The following OTX1 variants were observed in gnomAD, a reference collection of about 807,000 sequenced individuals.
OTX1 encodes homeobox protein OTX1.
OTX1 carries 7 observed loss-of-function variants against 26.7 expected under a neutral mutation model. That is an observed-to-expected ratio of 0.26 (90% CI 0.15 to 0.49). The LOEUF is 0.49. Ranked by LOEUF, OTX1 falls within the 20% of genes least tolerant of loss-of-function variation. The pLI is 0.98. For missense variants in OTX1, 414 were observed against 483.8 expected (o/e 0.86, Z 1.35); for synonymous variants, 216 against 212.8 (o/e 1.01, Z -0.13).
rs764419926 is a variant in OTX1 at position 63,056,349 on chromosome 2, T to G, written c.*33T>G. On this transcript the variant is annotated 3_prime_UTR_variant, in exon 5 of 5. Coordinates refer to ENST00000282549, the MANE Select transcript of OTX1 (RefSeq NM_014562.4). The stretch of plus-strand genomic sequence containing the variant: ...AATGAAAGAGGAGAAGAAACGCAAC[T>G]ACCTGCGCCCTCCGTGGTCCCGATC... The G allele has an allele frequency of 6.4e-7, 1 of 1,556,594 alleles. No individual in the cohort carries two copies. The highest frequency in any genetic ancestry group is 1.4e-5 in the African/African-American group (1 of 73,432).
At chr2:63,053,968 G>GC (rs888158191) in intron 3 of OTX1, 79 bp from the exon 4 acceptor site, 7 of 1,512,054 alleles carry the variant, frequency 4.6e-6, no homozygotes, top group Non-Finnish European at 6.2e-6. Flanking sequence ...ATCTGGGCCT[G>GC]CCAGGGGCCT....
chr2:63,054,227 G>A (rs748243118), intron 4 of OTX1, 29 bp downstream of exon 4: 1 of 1,549,550 alleles, frequency 6.5e-7, no homozygotes, highest in Admixed American at 1.9e-5. Flanking sequence ...CCAGGGTCTG[G>A]GTAGGGGAGC....
chr2:63,055,351 G>A lies in OTX1; in HGVS notation c.250-150G>A, dbSNP rs945106616. 74 of 789,122 alleles carry A rather than the reference G, an allele frequency of 9.4e-5. No individual in the cohort carries two copies. Among genetic ancestry groups the A allele is most frequent in the Non-Finnish European group, 1.3e-4 (64 of 506,264 alleles). 48.9% of individuals were successfully genotyped at this position (789,122 alleles called of 1,614,324 possible). On this transcript the variant is annotated intron_variant, in intron 4 of 4. Coordinates refer to ENST00000282549, the MANE Select transcript of OTX1 (RefSeq NM_014562.4). The surrounding 1 kb of genome is among the most constrained non-coding windows in gnomAD (Gnocchi z 5.2). ...AGCTGGGAACCGAGGTAGGGGGCAG[G>A]GTCTGGCCAGGCCAGAGACAGGAAG...
rs781292161 is a variant in OTX1, at chr2:63,055,824, G to A, written c.573G>A (p.Val191=). 19 of 1,612,084 alleles carry A rather than the reference G, an allele frequency of 1.2e-5. No homozygotes were observed. The highest frequency in any genetic ancestry group is 1.4e-5 in the Non-Finnish European group (16 of 1,179,760). Residue 191 remains valine, a synonymous_variant, in exon 5 of 5, where the codon GTG becomes GTA. Coordinates refer to ENST00000282549, the MANE Select transcript of OTX1 (RefSeq NM_014562.4). This position sits in a 1 kb window ranked among gnomAD's most constrained non-coding sequence, Gnocchi z 5.2. ...SISPGSAPAS[V]SVPEPLAAPS... ...CGCCAGGCTCAGCGCCCGCGTCCGTGTCGGTGCCGGAGCCATTGGCCGCGC... is the reference window on the plus strand; with the variant it reads ...CGCCAGGCTCAGCGCCCGCGTCCGTATCGGTGCCGGAGCCATTGGCCGCGC...
chr2:63,056,075 A>AC lies in OTX1; in HGVS notation c.826dup (p.His276ProfsTer69). On this transcript the variant is annotated frameshift_variant, in exon 5 of 5. Transcript: ENST00000282549. LOFTEE classifies it high-confidence loss of function. ...ATGGCACCCTCCTCCATGGCGGGCC[A>AC]CCATCATCACCACCCACATGCGCAC... The AC allele has an allele frequency of 6.2e-7, 1 of 1,613,148 alleles. No individual in the cohort carries two copies. The highest frequency in any genetic ancestry group is 8.5e-7 in the Non-Finnish European group (1 of 1,179,394).
At position 63,055,424 on chromosome 2, in the gene OTX1, T is replaced by C. The variant is rs2153388179; in HGVS notation, c.250-77T>C. 2.7e-6 allele frequency: 4 copies of C among 1,456,122 alleles called. No homozygotes were observed. Among genetic ancestry groups the C allele is most frequent in the Non-Finnish European group, 3.7e-6 (4 of 1,068,928 alleles). The allele number at this position is 1,456,122 out of a possible 1,614,324, so 90.2% of individuals were successfully genotyped here. A position where few individuals can be genotyped will look rare whatever the true frequency, so the allele number is the denominator to read the frequency against. ...GGATTGCGATATTCTGGACCGGGAG[T>C]TGGGTCCGCGGGGCGGTGGAGCAAC... On this transcript the variant is annotated intron_variant, in intron 4 of 4. Coordinates refer to ENST00000282549, the MANE Select transcript of OTX1 (RefSeq NM_014562.4). This position sits in a 1 kb window ranked among gnomAD's most constrained non-coding sequence, Gnocchi z 5.2.
chr2:63,057,062 TGTTG>T lies in OTX1; in HGVS notation c.*755_*758del, dbSNP rs1303888250. 1 of 152,222 alleles carries T rather than the reference TGTTG, an allele frequency of 6.6e-6. No homozygotes were observed. Among genetic ancestry groups the T allele is most frequent in the African/African-American group, 2.4e-5 (1 of 41,426 alleles). The allele number at this position is 152,222 out of a possible 1,614,324, so 9.4% of individuals were successfully genotyped here. On this transcript the variant is annotated 3_prime_UTR_variant, in exon 5 of 5. Transcript: ENST00000282549. The stretch of plus-strand genomic sequence containing the variant: ...GGGACCACTTAAACTTTTTAGTTGC[TGTTG>T]GTTGGTTGAACTGAACATATCTTGT...
Position 63,056,582 on chromosome 2 carries a change from T to A in OTX1, c.*266T>A. 1.9e-6 allele frequency: 1 copy of A among 526,146 alleles called. No homozygotes were observed. Among genetic ancestry groups the A allele is most frequent in the Non-Finnish European group, 3.4e-6 (1 of 293,344 alleles). The allele number at this position is 526,146 out of a possible 1,614,324, so 32.6% of individuals were successfully genotyped here. A position where few individuals can be genotyped will look rare whatever the true frequency, so the allele number is the denominator to read the frequency against. On this transcript the variant is annotated 3_prime_UTR_variant, in exon 5 of 5. Coordinates refer to ENST00000282549, the MANE Select transcript of OTX1 (RefSeq NM_014562.4). Reference sequence around the variant, plus strand: ...TTCTATACAGGAGAGATGTATTATTTCCCCCCTTCAGCCCCTACTAAACTC... The same window carrying A: ...TTCTATACAGGAGAGATGTATTATTACCCCCCTTCAGCCCCTACTAAACTC...
At chr2:63,050,442 C>G (rs1397696636), upstream of OTX1, among the ~76,000 whole-genome samples, 2 of 152,138 alleles carry the variant, frequency 1.3e-5, no homozygotes, top group Admixed American at 1.3e-4. Context: ...GCGAAGGAAC[C>G]GGTTCTCCAG....
chr2:63,055,744 G>A lies in OTX1; in HGVS notation c.493G>A (p.Ala165Thr). Residue 165 changes from alanine (A) to threonine (T), a missense_variant, in exon 5 of 5, where the codon GCG becomes ACG. By Grantham distance (58) the Ala-to-Thr change is moderately conservative. This residue lies in a region of OTX1 where 320 missense variants were observed against 347.9 expected (regional missense o/e 0.92). Transcript: ENST00000282549. The surrounding 1 kb of genome is among the most constrained non-coding windows in gnomAD (Gnocchi z 5.2). ...AGLGGNPVAA[A>T]SSLSTPAASS... ...ACTAGGTGGGAACCCGGTGGCGGCC[G>A]CGTCGTCGCTGAGTACACCAGCTGC... 2 of 1,612,406 alleles carry A rather than the reference G, an allele frequency of 1.2e-6. No homozygotes were observed. Among genetic ancestry groups the A allele is most frequent in the Non-Finnish European group, 1.7e-6 (2 of 1,179,622 alleles).
intron 4 of OTX1, 95 bp downstream of exon 4, chr2:63,054,293 TC>T: frequency 1.6e-6 from 2 of 1,262,404 alleles, no homozygotes; most frequent in Non-Finnish European, 2.1e-6. Flanking sequence ...GAGGAGACCA[TC>T]CTGTGGGGGT....
Position 63,055,523 on chromosome 2 carries a change from C to A in OTX1, c.272C>A (p.Ala91Asp). Residue 91 changes from alanine (A) to aspartate (D), a missense_variant, in exon 5 of 5, where the codon GCC (alanine) becomes GAC (aspartate). Ala to Asp is a moderately radical substitution (Grantham distance 126). Around this residue, in one of 3 missense-constraint regions of OTX1, gnomAD observed 46 missense variants for 94.3 expected, o/e 0.49. Coordinates refer to ENST00000282549, the MANE Select transcript of OTX1 (RefSeq NM_014562.4). This position sits in a 1 kb window ranked among gnomAD's most constrained non-coding sequence, Gnocchi z 5.2. ...RVQVWFKNRR[A>D]KCRQQQQSGS... ...CAGGTCTGGTTCAAGAACCGCCGCG[C>A]CAAATGCCGCCAGCAGCAGCAGAGC... 6.2e-7 allele frequency: 1 copy of A among 1,613,856 alleles called. No homozygotes were observed. Among genetic ancestry groups the A allele is most frequent in the Non-Finnish European group, 8.5e-7 (1 of 1,179,852 alleles).
In OTX1 at chr2:63,055,347, G is replaced by A. The variant is rs1297328375; in HGVS notation, c.250-154G>A. ...GAGGAGCTGGGAACCGAGGTAGGGG[G>A]CAGGGTCTGGCCAGGCCAGAGACAG... is the stretch of plus-strand genomic sequence containing the variant. On this transcript the variant is annotated intron_variant, in intron 4 of 4. Coordinates refer to ENST00000282549, the MANE Select transcript of OTX1 (RefSeq NM_014562.4). The surrounding 1 kb of genome is among the most constrained non-coding windows in gnomAD (Gnocchi z 5.2). Among the ~76,000 whole-genome samples the A allele has an allele frequency of 1.3e-5, 2 of 152,196 alleles. No individual in the cohort carries two copies. The highest frequency in any genetic ancestry group is 3.9e-4 in the East Asian group (2 of 5,182).
In OTX1 at chr2:63,055,458, CT is replaced by C; in HGVS notation, c.250-42del. ...CGGGGCGGTGGAGCAACAAGCTCCC[CT>C]AGCTCCCTTTGACCCACTCTCCCCC... On this transcript the variant is annotated intron_variant, in intron 4 of 4. Coordinates refer to ENST00000282549, the MANE Select transcript of OTX1 (RefSeq NM_014562.4). This position sits in a 1 kb window ranked among gnomAD's most constrained non-coding sequence, Gnocchi z 5.2. 1 of 1,574,102 alleles carries C rather than the reference CT, an allele frequency of 6.4e-7. No individual in the cohort carries two copies. Among genetic ancestry groups the C allele is most frequent in the Admixed American group, 1.7e-5 (1 of 57,416 alleles).
chr2:63,056,145 C>T lies in OTX1; in HGVS notation c.894C>T (p.His298=). 1 of 1,614,068 alleles carries T rather than the reference C, an allele frequency of 6.2e-7. No homozygotes were observed. The highest frequency in any genetic ancestry group is 1.1e-5 in the South Asian group (1 of 91,066). Residue 298 remains histidine, a synonymous_variant, in exon 5 of 5, where the codon CAC becomes CAT. Transcript: ENST00000282549. ...CAGGCCACCACCACCACCATCACCA[C>T]CACCACCACCAAGGCTACGGTGGCT... ...QSSGHHHHHH[H]HHHQGYGGSG...
At chr2:63,053,292 C>G in intron 3 of OTX1, 1 of 445,990 alleles carries the variant, frequency 2.2e-6, no homozygotes, top group Non-Finnish European at 3.9e-6. Flanking sequence ...GCTGAGAAAA[C>G]GCGCAATATG....
chr2:63,053,999 G>T (rs1252929665), intron 3 of OTX1, 48 bp from the exon 4 acceptor site: 1 of 1,595,490 alleles, frequency 6.3e-7, no homozygotes, highest in Admixed American at 1.7e-5. Flanking sequence ...TCTATCGCGG[G>T]TCCACGTGGC....
At chr2:63,054,869 C>A (rs879837159) in intron 4 of OTX1, among the ~76,000 whole-genome samples, 1 of 152,188 alleles carries the variant, frequency 6.6e-6, no homozygotes, top group Non-Finnish European at 1.5e-5. Context: ...AGAAGAGTAA[C>A]CATTCCATTT....
intron 2 of OTX1, among the ~76,000 whole-genome samples, chr2:63,052,585 G>T (rs1028836624): frequency 6.6e-6 from 1 of 152,172 alleles, no homozygotes; most frequent in Non-Finnish European, 1.5e-5. Context: ...CTGGACTTGG[G>T]AGCTTGTACA....
Sources: gnomAD v4.1 joint callset for allele counts (sites outside exome capture counted in the v4.1 genomes callset) on GRCh38, gnomAD v4.1.1 for gene constraint, gnomAD v4.1.1 regional missense constraint, Gnocchi (gnomAD v3.1) non-coding constraint, MANE v1.5 for transcripts, NCBI Gene and HGNC (gene_info 2026-07-23, HGNC 2026-07-21) for gene names.